Variants in ANKRD28 observed in about 807,000 individuals in gnomAD.
The protein encoded by ANKRD28 is ankyrin repeat domain 28, also known as serine/threonine-protein phosphatase 6 regulatory ankyrin repeat subunit A.
A neutral mutation model predicts 126.5 loss-of-function variants in ANKRD28; 44 were observed. That is an observed-to-expected ratio of 0.35 (90% CI 0.27 to 0.45). ANKRD28 has a LOEUF of 0.45. Among genes scored for constraint, ANKRD28 ranks in the 20% least tolerant of loss-of-function variants. ANKRD28 has a pLI of 1.00. For synonymous variants in ANKRD28, 442 were observed against 468.5 expected (o/e 0.94, Z 0.73); for missense variants, 1,110 against 1,316.6 (o/e 0.84, Z 2.43).
intron 1 of ANKRD28, among the ~76,000 whole-genome samples, chr3:15,841,593 T>C (rs1208034663): frequency 6.6e-6 from 1 of 151,886 alleles, no homozygotes; most frequent in Non-Finnish European, 1.5e-5. Flanking sequence ...AAAAAAAACC[T>C]AATAACCCAA....
intron 20 of ANKRD28, 53 bp downstream of exon 20, chr3:15,685,949 G>A (rs1030114407): frequency 3.3e-5 from 45 of 1,359,540 alleles, no homozygotes; most frequent in Non-Finnish European, 4.0e-5. Context: ...TCAGTTCTAG[G>A]TAATATGAGG....
rs2067596577 is a variant in ANKRD28 at position 15,682,002 on chromosome 3, C to A, written c.2390-2439G>T. On this transcript the variant is annotated intron_variant, in intron 21 of 27. Transcript: ENST00000683139. ...CTAAGATACAGCAATGGAAAGTTGTCCATTGTTGACTTAAGAGCCCCTCAT... is the reference window on the plus strand; with the variant it reads ...CTAAGATACAGCAATGGAAAGTTGTACATTGTTGACTTAAGAGCCCCTCAT... Among the ~76,000 whole-genome samples the A allele has an allele frequency of 3.3e-5, 5 of 152,076 alleles. No homozygotes were observed. In the South Asian group the frequency reaches 1.0e-3, roughly 32 times the overall value.
intron 3 of ANKRD28, among the ~76,000 whole-genome samples, 179 bp downstream of exon 3, chr3:15,766,055 C>T (rs2125549501): frequency 6.6e-6 from 1 of 152,092 alleles, no homozygotes; most frequent in Non-Finnish European, 1.5e-5. Context: ...TTAATGTACT[C>T]TAAGCACCCA....
intron 10 of ANKRD28, 151 bp downstream of exon 10, chr3:15,713,376 C>G (rs2072582127): frequency 1.7e-6 from 1 of 578,584 alleles, no homozygotes; most frequent in African/African-American, 2.0e-5. Flanking sequence ...ACATTTTAAC[C>G]TACCACTTTG....
At chr3:15,761,109 T>C (rs2058435056) in intron 3 of ANKRD28, among the ~76,000 whole-genome samples, 1 of 152,226 alleles carries the variant, frequency 6.6e-6, no homozygotes, top group Non-Finnish European at 1.5e-5. Context: ...GATATCGCAG[T>C]AGTTTTTAAA....
chr3:15,803,032 G>A (rs1050682209), intron 1 of ANKRD28, among the ~76,000 whole-genome samples: 4 of 152,202 alleles, frequency 2.6e-5, no homozygotes, highest in African/African-American at 7.2e-5. Context: ...AAGCAATCAT[G>A]AGGGACAATA....
intron 8 of ANKRD28, among the ~76,000 whole-genome samples, chr3:15,718,547 C>T (rs990214650): frequency 2.6e-5 from 4 of 152,082 alleles, no homozygotes; most frequent in African/African-American, 4.8e-5. Flanking sequence ...ATCACAGGTA[C>T]TATAGTCACC....
chr3:15,771,872 G>A (rs2059029453), intron 2 of ANKRD28, among the ~76,000 whole-genome samples: 1 of 152,032 alleles, frequency 6.6e-6, no homozygotes, highest in South Asian at 2.1e-4. Context: ...AATTAAATTG[G>A]AAATAAATAA....
At chr3:15,762,413 T>C (rs1211164277) in intron 3 of ANKRD28, among the ~76,000 whole-genome samples, 4 of 152,086 alleles carry the variant, frequency 2.6e-5, no homozygotes, top group African/African-American at 9.7e-5. Flanking sequence ...GGGGAGCAAA[T>C]ACCTACCCTG....
exon 1 of ANKRD28, chr3:15,859,698 T>C: frequency 6.7e-6 from 1 of 149,344 alleles, no homozygotes; most frequent in Non-Finnish European, 1.5e-5. Context: ...CTCTGCTGCC[T>C]GCCCTACCCG....
chr3:15,713,631 G>C lies in ANKRD28; in HGVS notation c.1086C>G (p.Ile362Met). Reference protein sequence around the residue: ...SQTIIQSGAVIDCEDKNGNTP... With the variant: ...SQTIIQSGAVMDCEDKNGNTP... ...TATTTCCATTCTTATCCTCACAGTC[G>C]ATTACAGCTCCTGCAATATAGGACT... Residue 362 changes from isoleucine to methionine, a missense_variant, in exon 10 of 28, where the codon ATC becomes ATG. Transcript: ENST00000683139. The C allele has an allele frequency of 6.2e-7, 1 of 1,603,244 alleles. No individual in the cohort carries two copies. Among genetic ancestry groups the C allele is most frequent in the East Asian group, 2.3e-5 (1 of 44,228 alleles).
chr3:15,822,042 T>G (rs565992040), intron 1 of ANKRD28, among the ~76,000 whole-genome samples: 1 of 152,224 alleles, frequency 6.6e-6, no homozygotes, highest in East Asian at 1.9e-4. Flanking sequence ...GAGATGCATA[T>G]GAAAATAAAG....
chr3:15,741,049 A>G (rs2075421669), intron 4 of ANKRD28, among the ~76,000 whole-genome samples: 1 of 152,148 alleles, frequency 6.6e-6, no homozygotes, highest in Admixed American at 6.5e-5. Context: ...ATATACAAAA[A>G]TTAGCCAGGT....
chr3:15,679,247 G>A (rs2067272130), intron 23 of ANKRD28, 54 bp downstream of exon 23: 1 of 1,522,038 alleles, frequency 6.6e-7, no homozygotes, highest in Non-Finnish European at 9.1e-7. Flanking sequence ...TAGGATTATA[G>A]GCATGAGCCA....
Position 15,795,316 on chromosome 3 carries a change from A to G in ANKRD28, c.118-10T>C. 1 of 1,582,936 alleles carries G rather than the reference A, an allele frequency of 6.3e-7. No individual in the cohort carries two copies. The highest frequency in any genetic ancestry group is 8.7e-7 in the Non-Finnish European group (1 of 1,151,994). On this transcript the variant is annotated splice_polypyrimidine_tract_variant and intron_variant, in intron 1 of 27. Coordinates refer to ENST00000683139, the MANE Select transcript of ANKRD28 (RefSeq NM_001349278.2). Reference sequence around the variant, plus strand: ...CTTGCACCAGTGATGGCTAAAATAGAAGAGAGTAATAAAAACATTAGAATC... The same window carrying G: ...CTTGCACCAGTGATGGCTAAAATAGGAGAGAGTAATAAAAACATTAGAATC...
chr3:15,712,043 C>T (rs2072362757), intron 11 of ANKRD28, 97 bp downstream of exon 11: 9 of 909,240 alleles, frequency 9.9e-6, no homozygotes, highest in East Asian at 2.6e-5. Context: ...CCATACTGGA[C>T]CCATCTGCAT....
In ANKRD28 at chr3:15,670,528, G is replaced by T; in HGVS notation, c.2994C>A (p.Pro998=). The stretch of plus-strand genomic sequence containing the variant: ...CCAGGCAATCAGCCACATCCTTATT[G>T]GGAGCACAGGCCAAAGCTGGGGTAT... ...NGYTPALACA[P]NKDVADCLAL... is the part of the protein sequence containing the mutation. The change falls in exon 28 of 28, where the codon CCC becomes CCA. Residue 998 remains proline (P), a synonymous_variant. Coordinates refer to ENST00000683139, the MANE Select transcript of ANKRD28 (RefSeq NM_001349278.2). The T allele has an allele frequency of 6.2e-7, 1 of 1,613,900 alleles. No homozygotes were observed. Among genetic ancestry groups the T allele is most frequent in the South Asian group, 1.1e-5 (1 of 91,068 alleles).
chr3:15,697,809 C>T (rs981479109), intron 14 of ANKRD28, among the ~76,000 whole-genome samples: 3 of 152,170 alleles, frequency 2.0e-5, no homozygotes, highest in African/African-American at 7.2e-5. Context: ...AGGAATGGTA[C>T]CAGCTCCTCT....
chr3:15,789,414 G>A (rs1275337970), intron 2 of ANKRD28, among the ~76,000 whole-genome samples: 2 of 151,562 alleles, frequency 1.3e-5, no homozygotes, highest in Non-Finnish European at 2.9e-5. Context: ...GGGGACTTTC[G>A]AAGAGAGGTT....
Sources: gnomAD v4.1 joint callset for allele counts (sites outside exome capture counted in the v4.1 genomes callset) on GRCh38, gnomAD v4.1.1 for gene constraint, MANE v1.5 for transcripts, NCBI Gene and HGNC (gene_info 2026-07-23, HGNC 2026-07-21) for gene names.